ZSCAN2: variants seen among roughly 807,000 people sequenced by gnomAD.
ZSCAN2 encodes zinc finger and SCAN domain-containing protein 2.
In ZSCAN2, 26 loss-of-function variants were observed where a neutral mutation model predicts 47.8. The observed-to-expected ratio is 0.54, with a 90% confidence interval of 0.40 to 0.75. The LOEUF (loss-of-function observed/expected upper bound fraction) is 0.75. Ranked by LOEUF, ZSCAN2 falls within the 30% of genes least tolerant of loss-of-function variation. The pLI, the probability that ZSCAN2 is intolerant of heterozygous loss-of-function variation, is 0.00. For missense variants in ZSCAN2, 732 were observed against 785.4 expected (o/e 0.93, Z 0.81); for synonymous variants, 305 against 288.7 (o/e 1.06, Z -0.57).
chr15:84,621,821 C>T lies in ZSCAN2; in HGVS notation c.1626C>T (p.Gly542=), dbSNP rs1895824559. Residue 542 remains glycine (G), a synonymous_variant, in exon 3 of 3, where the codon GGC becomes GGT. Coordinates refer to ENST00000546148, the MANE Select transcript of ZSCAN2 (RefSeq NM_181877.4). This position sits in a 1 kb window ranked among gnomAD's most constrained non-coding sequence, Gnocchi z 5.7. ...TGTGCGGCAAGAGCTTCAGCCGGGG[C>T]TCCATTCTGGTCATGCACCAGAGAG... ...CLMCGKSFSR[G]SILVMHQRAH... is the part of the protein sequence containing the mutation. 6.2e-7 allele frequency: 1 copy of T among 1,614,240 alleles called. No individual in the cohort carries two copies. Among genetic ancestry groups the T allele is most frequent in the Admixed American group, 1.7e-5 (1 of 60,032 alleles).
At position 84,622,159 on chromosome 15, in the gene ZSCAN2, C is replaced by T; in HGVS notation, c.*119C>T. The T allele has an allele frequency of 1.1e-6, 1 of 890,940 alleles. No homozygotes were observed. Among genetic ancestry groups the T allele is most frequent in the Non-Finnish European group, 1.8e-6 (1 of 570,190 alleles). 55.2% of individuals were successfully genotyped at this position (890,940 alleles called of 1,614,324 possible). A position where few individuals can be genotyped will look rare whatever the true frequency, so the allele number is the denominator to read the frequency against. ...ACATTCTGGGGGGTTTTGCCAGAGT[C>T]TTCCCCTTGCTCATCCTCATTTCCA... is the stretch of plus-strand genomic sequence containing the variant. On this transcript the variant is annotated 3_prime_UTR_variant, in exon 3 of 3. Coordinates refer to ENST00000546148, the MANE Select transcript of ZSCAN2 (RefSeq NM_181877.4).
chr15:84,608,972 G>A lies in ZSCAN2; in HGVS notation c.406+4639G>A, dbSNP rs374878166. On this transcript the variant is annotated intron_variant, in intron 2 of 2. Coordinates refer to ENST00000546148, the MANE Select transcript of ZSCAN2 (RefSeq NM_181877.4). ...GAAGTTTGAAAAGCACTACCCAGGA[G>A]AGGAATAGAGGTTATCAACTTCAAG... Among the ~76,000 whole-genome samples the A allele has an allele frequency of 1.8e-4, 27 of 152,330 alleles. No homozygotes were observed. The East Asian group carries it at 4.6e-3, about 26-fold the overall frequency.
At chr15:84,601,747 T>C (rs1362002824) in intron 1 of ZSCAN2, among the ~76,000 whole-genome samples, 1 of 152,132 alleles carries the variant, frequency 6.6e-6, no homozygotes, top group African/African-American at 2.4e-5. Context: ...GGTCTCACTC[T>C]GTTGCCCAGG....
intron 2 of ZSCAN2, among the ~76,000 whole-genome samples, chr15:84,613,466 G>T (rs558592720): frequency 1.3e-5 from 2 of 150,752 alleles, no homozygotes; most frequent in Non-Finnish European, 3.0e-5. Flanking sequence ...GATTACAGGC[G>T]CCCGCCACCA....
chr15:84,608,374 A>G (rs1895444328), intron 2 of ZSCAN2, among the ~76,000 whole-genome samples: 1 of 151,914 alleles, frequency 6.6e-6, no homozygotes, highest in Non-Finnish European at 1.5e-5. Flanking sequence ...TGCTAAAAAT[A>G]CAAAAAAAAT....
Position 84,616,720 on chromosome 15 carries a change from A to G in ZSCAN2, c.407-3882A>G, listed in dbSNP as rs1731713049. On this transcript the variant is annotated intron_variant, in intron 2 of 2. Coordinates refer to ENST00000546148, the MANE Select transcript of ZSCAN2 (RefSeq NM_181877.4). ...CTATTCAATTACTAAAATCACCCAAAAAAATGTTTTTGGTCATGTTAGTTT... is the reference window on the plus strand; with the variant it reads ...CTATTCAATTACTAAAATCACCCAAGAAAATGTTTTTGGTCATGTTAGTTT... The G allele has an allele frequency of 4.0e-6, 4 of 1,009,904 alleles. No homozygotes were observed. In the South Asian group the frequency reaches 1.4e-4, roughly 35 times the overall value. The allele number at this position is 1,009,904 out of a possible 1,614,324, so 62.6% of individuals were successfully genotyped here.
rs1370474861 is a variant in ZSCAN2 at position 84,622,579 on chromosome 15, T to C, written c.*539T>C. The C allele has an allele frequency of 1.4e-6, 1 of 716,394 alleles. No homozygotes were observed. The highest frequency in any genetic ancestry group is 2.6e-6 in the Non-Finnish European group (1 of 384,662). 44.4% of individuals were successfully genotyped at this position (716,394 alleles called of 1,614,324 possible). ...TGGTGTCTTGGGCTTTGATTTCAGG[T>C]CAAGATGGAGGGGCTTCTCCAGTTC... On this transcript the variant is annotated 3_prime_UTR_variant, in exon 3 of 3. Transcript: ENST00000546148.
intron 2 of ZSCAN2, among the ~76,000 whole-genome samples, chr15:84,614,272 A>G (rs1895636623): frequency 6.6e-6 from 1 of 151,966 alleles, no homozygotes; most frequent in Non-Finnish European, 1.5e-5. Flanking sequence ...GATTGCAAGC[A>G]ATAATCTTAT....
At chr15:84,612,267 C>T (rs116890842) in intron 2 of ZSCAN2, 2,744 of 152,428 alleles carry the variant, frequency 0.018, 132 homozygotes, top group Admixed American at 0.12. Context: ...TCTTAGAGGG[C>T]AACTTGTGAA....
In ZSCAN2 at chr15:84,620,901, C is replaced by T. The variant is rs369992419; in HGVS notation, c.706C>T (p.His236Tyr). Residue 236 changes from histidine to tyrosine, a missense_variant, in exon 3 of 3, where the codon CAC (histidine) becomes TAC (tyrosine). His to Tyr is a moderately conservative substitution (Grantham distance 83). Around this residue, in one of 2 missense-constraint regions of ZSCAN2, gnomAD observed 412 missense variants for 498.0 expected, o/e 0.83. Coordinates refer to ENST00000546148, the MANE Select transcript of ZSCAN2 (RefSeq NM_181877.4). ...TGGGAAGACCTTCAGCCGGAAATCC[C>T]ACCTCATCACACACGAGAGGACCCA... ...QCGKTFSRKS[H>Y]LITHERTHTG... 1 of 1,613,996 alleles carries T rather than the reference C, an allele frequency of 6.2e-7. No individual in the cohort carries two copies. Among genetic ancestry groups the T allele is most frequent in the African/African-American group, 1.3e-5 (1 of 74,904 alleles).
intron 2 of ZSCAN2, among the ~76,000 whole-genome samples, chr15:84,605,183 G>A (rs544596088): frequency 3.9e-5 from 6 of 152,134 alleles, no homozygotes; most frequent in East Asian, 1.9e-4. Context: ...ATTTTTTTCC[G>A]GTGTTACTAA....
chr15:84,616,648 A>G, intron 2 of ZSCAN2: 2 of 1,148,942 alleles, frequency 1.7e-6, no homozygotes, highest in Non-Finnish European at 2.1e-6. Context: ...AGAGCTAACC[A>G]GTTCTGATTT....
At position 84,623,308 on chromosome 15, in the gene ZSCAN2, G is replaced by T; in HGVS notation, c.*1268G>T. 5.3e-6 allele frequency: 1 copy of T among 188,614 alleles called. No individual in the cohort carries two copies. The highest frequency in any genetic ancestry group is 8.0e-5 in the South Asian group (1 of 12,488). The allele number at this position is 188,614 out of a possible 1,614,324, so 11.7% of individuals were successfully genotyped here. ...GGGGTTTCACCGCGTTAGCCAGGAT[G>T]GTTTCGATCTCCTGTCCTCGTGATC... On this transcript the variant is annotated 3_prime_UTR_variant, in exon 3 of 3. Coordinates refer to ENST00000546148, the MANE Select transcript of ZSCAN2 (RefSeq NM_181877.4).
chr15:84,604,978 C>T (rs1895337404), intron 2 of ZSCAN2, among the ~76,000 whole-genome samples: 2 of 152,058 alleles, frequency 1.3e-5, no homozygotes, highest in Admixed American at 6.5e-5. Flanking sequence ...CCTCGTGATC[C>T]GCCCACCTCA....
Position 84,622,482 on chromosome 15 carries a change from G to A in ZSCAN2, c.*442G>A, listed in dbSNP as rs749050728. On this transcript the variant is annotated 3_prime_UTR_variant, in exon 3 of 3. Coordinates refer to ENST00000546148, the MANE Select transcript of ZSCAN2 (RefSeq NM_181877.4). ...TTTTGCTGCCACGTTGTTGGGCTAAGGTGCCTTCACCCCAAGCTGTTAGTG... is the reference window on the plus strand; with the variant it reads ...TTTTGCTGCCACGTTGTTGGGCTAAAGTGCCTTCACCCCAAGCTGTTAGTG... 21 of 632,048 alleles carry A rather than the reference G, an allele frequency of 3.3e-5. No homozygotes were observed. The highest frequency in any genetic ancestry group is 2.8e-4 in the African/African-American group (15 of 54,158). The allele number at this position is 632,048 out of a possible 1,614,324, so 39.2% of individuals were successfully genotyped here. A position where few individuals can be genotyped will look rare whatever the true frequency, so the allele number is the denominator to read the frequency against.
At chr15:84,613,585 G>A (rs1473925576) in intron 2 of ZSCAN2, among the ~76,000 whole-genome samples, 2 of 152,130 alleles carry the variant, frequency 1.3e-5, no homozygotes, top group African/African-American at 4.8e-5. Flanking sequence ...TGGGATTACA[G>A]GCGTGAGCCA....
At chr15:84,619,429 CAAA>C (rs760419756) in intron 2 of ZSCAN2, among the ~76,000 whole-genome samples, 1 of 109,434 alleles carries the variant, frequency 9.1e-6, no homozygotes. Context: ...GACTCCGTCT[CAAA>C]AAAAAAAAAA....
In ZSCAN2 at chr15:84,622,811, C is replaced by T. The variant is rs1403305023; in HGVS notation, c.*771C>T. 12 of 641,208 alleles carry T rather than the reference C, an allele frequency of 1.9e-5. No homozygotes were observed. Among genetic ancestry groups the T allele is most frequent in the Non-Finnish European group, 2.8e-5 (10 of 350,980 alleles). 39.7% of individuals were successfully genotyped at this position (641,208 alleles called of 1,614,324 possible). A position where few individuals can be genotyped will look rare whatever the true frequency, so the allele number is the denominator to read the frequency against. ...TACTGTCCTGTGGTAGATCAGCTAC[C>T]AGGGGAACACATTTGTTCTCGTGGG... On this transcript the variant is annotated 3_prime_UTR_variant, in exon 3 of 3. Coordinates refer to ENST00000546148, the MANE Select transcript of ZSCAN2 (RefSeq NM_181877.4).
At chr15:84,605,197 G>A (rs1895344752) in intron 2 of ZSCAN2, among the ~76,000 whole-genome samples, 1 of 152,154 alleles carries the variant, frequency 6.6e-6, no homozygotes. Flanking sequence ...TTACTAATAA[G>A]TATTGGGATT....
Sources: gnomAD v4.1 joint callset for allele counts (sites outside exome capture counted in the v4.1 genomes callset) on GRCh38, gnomAD v4.1.1 for gene constraint, gnomAD v4.1.1 regional missense constraint, Gnocchi (gnomAD v3.1) non-coding constraint, MANE v1.5 for transcripts, NCBI Gene and HGNC (gene_info 2026-07-23, HGNC 2026-07-21) for gene names.